CDH10: variants seen among roughly 807,000 people sequenced by gnomAD.
The protein encoded by CDH10 is cadherin-10.
Under a neutral mutation model 73.1 loss-of-function variants are expected in CDH10, and 30 were observed. The observed-to-expected ratio is 0.41, with a 90% CI of 0.31 to 0.56. The LOEUF is 0.56. Among genes scored for constraint, CDH10 ranks in the 20% least tolerant of loss-of-function variants. The pLI is 0.27. For synonymous variants in CDH10, 345 were observed against 348.2 expected (o/e 0.99, Z 0.10); for missense variants, 815 against 973.7 (o/e 0.84, Z 2.17).
intron 9 of CDH10, among the ~76,000 whole-genome samples, chr5:24,496,406 C>G (rs1390602661): frequency 6.6e-6 from 1 of 152,140 alleles, no homozygotes; most frequent in Non-Finnish European, 1.5e-5. Flanking sequence ...TCCTCTGACT[C>G]TCTCTGAGAT....
rs1448055370 is a variant in CDH10 at position 24,491,667 on chromosome 5, C to T, written c.1785G>A (p.Met595Ile). 3 of 1,613,942 alleles carry T rather than the reference C, an allele frequency of 1.9e-6. No individual in the cohort carries two copies. Among genetic ancestry groups the T allele is most frequent in the Middle Eastern group, 1.7e-4 (1 of 6,048 alleles). Residue 595 changes from methionine (M) to isoleucine (I), a missense_variant, in exon 11 of 12, where the codon ATG (methionine) becomes ATA (isoleucine). By Grantham distance (10) the Met-to-Ile change is conservative. This residue lies in a region of CDH10 where 241 missense variants were observed against 240.3 expected (regional missense o/e 1.00). Transcript: ENST00000264463. ...RVCACDSQGN[M>I]QSCSAEALLL... The stretch of plus-strand genomic sequence containing the variant: ...GCAGGGCTTCAGCACTGCAGGATTG[C>T]ATGTTGCCTTGGCTGTCACAAGCAC...
chr5:24,506,622 T>C (rs1742710728), intron 7 of CDH10, among the ~76,000 whole-genome samples: 1 of 152,120 alleles, frequency 6.6e-6, no homozygotes. Flanking sequence ...AGTCACTCAA[T>C]GAGTATTATT....
chr5:24,614,645 A>G (rs568445600), intron 1 of CDH10, among the ~76,000 whole-genome samples: 1 of 152,300 alleles, frequency 6.6e-6, no homozygotes, highest in African/African-American at 2.4e-5. Flanking sequence ...GACAGAATTT[A>G]GTTTTGGTTT....
At chr5:24,629,772 T>C (rs533752542) in intron 1 of CDH10, among the ~76,000 whole-genome samples, 32 of 152,274 alleles carry the variant, frequency 2.1e-4, no homozygotes, top group Non-Finnish European at 4.3e-4. Flanking sequence ...TCTGCCATGA[T>C]TGTAAGATTC....
chr5:24,496,286 T>C (rs1304058905), intron 9 of CDH10, among the ~76,000 whole-genome samples: 2 of 152,180 alleles, frequency 1.3e-5, no homozygotes, highest in Admixed American at 6.6e-5. Flanking sequence ...CATTAAAATG[T>C]ATTTTATTTA....
At chr5:24,509,536 G>A (rs1742820020) in intron 7 of CDH10, 30 bp downstream of exon 7, 1 of 1,608,678 alleles carries the variant, frequency 6.2e-7, no homozygotes. Flanking sequence ...ACCGAGCCCG[G>A]CTGTTTTCAT....
At chr5:24,584,407 GAGC>G (rs1745911161) in intron 2 of CDH10, among the ~76,000 whole-genome samples, 1 of 147,934 alleles carries the variant, frequency 6.8e-6, no homozygotes, top group Non-Finnish European at 1.5e-5. Flanking sequence ...CAAAAAGAGT[GAGC>G]TCACCTGATG....
At chr5:24,521,945 C>T (rs186272783) in intron 5 of CDH10, among the ~76,000 whole-genome samples, 52 of 152,026 alleles carry the variant, frequency 3.4e-4, no homozygotes, top group Admixed American at 5.2e-4. Context: ...ACCAGCCTGG[C>T]CAATATGGTG....
intron 2 of CDH10, among the ~76,000 whole-genome samples, chr5:24,590,008 A>C (rs1746145999): frequency 6.6e-6 from 1 of 152,084 alleles, no homozygotes; most frequent in Non-Finnish European, 1.5e-5. Flanking sequence ...ATTCCAATAA[A>C]TTCCAGTATA....
At chr5:24,547,359 C>T (rs191343530) in intron 2 of CDH10, among the ~76,000 whole-genome samples, 1 of 152,202 alleles carries the variant, frequency 6.6e-6, no homozygotes, top group Admixed American at 6.6e-5. Flanking sequence ...AAACTGAAAC[C>T]TGAGAGAAGA....
intron 1 of CDH10, among the ~76,000 whole-genome samples, chr5:24,614,030 G>A (rs1747047541): frequency 2.0e-5 from 3 of 152,164 alleles, no homozygotes; most frequent in South Asian, 4.1e-4. Flanking sequence ...TGTGCATTCC[G>A]GAACAGTATA....
At chr5:24,641,574 T>A (rs1212337367) in intron 1 of CDH10, among the ~76,000 whole-genome samples, 2 of 152,114 alleles carry the variant, frequency 1.3e-5, no homozygotes, top group Non-Finnish European at 2.9e-5. Context: ...AAAAGATAAA[T>A]AGATTTGTCT....
At chr5:24,489,683 TTAA>T (rs1741978881) in intron 11 of CDH10, among the ~76,000 whole-genome samples, 1 of 152,092 alleles carries the variant, frequency 6.6e-6, no homozygotes, top group African/African-American at 2.4e-5. Flanking sequence ...AAAAATAGGT[TTAA>T]ACTAACAAAA....
At chr5:24,599,600 A>C (rs1354774422) in intron 1 of CDH10, among the ~76,000 whole-genome samples, 1 of 152,190 alleles carries the variant, frequency 6.6e-6, no homozygotes, top group Non-Finnish European at 1.5e-5. Flanking sequence ...ACTGTTCTGC[A>C]AAATATGTTT....
intron 2 of CDH10, among the ~76,000 whole-genome samples, chr5:24,569,367 A>G (rs1745282268): frequency 6.6e-6 from 1 of 152,124 alleles, no homozygotes; most frequent in East Asian, 1.9e-4. Flanking sequence ...AAAATGGCTA[A>G]AAAGTACATA....
intron 5 of CDH10, among the ~76,000 whole-genome samples, chr5:24,512,032 G>A (rs1742933761): frequency 6.6e-6 from 1 of 152,036 alleles, no homozygotes; most frequent in Non-Finnish European, 1.5e-5. Flanking sequence ...AATAATTACT[G>A]GGTACCAGGC....
chr5:24,502,556 T>G (rs992813548), intron 8 of CDH10, among the ~76,000 whole-genome samples: 2 of 152,108 alleles, frequency 1.3e-5, no homozygotes, highest in Non-Finnish European at 2.9e-5. Flanking sequence ...CCTGGCTGTT[T>G]GTGGTTTGGC....
intron 1 of CDH10, among the ~76,000 whole-genome samples, chr5:24,641,996 C>T (rs984709915): frequency 6.6e-6 from 1 of 152,064 alleles, no homozygotes; most frequent in Non-Finnish European, 1.5e-5. Context: ...TCTAATGTGA[C>T]AGCAGTATTA....
chr5:24,577,295 T>C (rs1561174820), intron 2 of CDH10, among the ~76,000 whole-genome samples: 3 of 152,100 alleles, frequency 2.0e-5, no homozygotes, highest in African/African-American at 7.2e-5. Flanking sequence ...TAACTGAAAA[T>C]GATCGCAAGA....
Sources: allele counts gnomAD v4.1 joint callset (sites outside exome capture counted in the v4.1 genomes callset), GRCh38; gene constraint gnomAD v4.1.1; regional missense constraint gnomAD v4.1.1; transcripts MANE v1.5; gene names NCBI Gene and HGNC (gene_info 2026-07-23, HGNC 2026-07-21).